CHSY1: variants seen among roughly 807,000 people sequenced by gnomAD.
The protein encoded by CHSY1 is chondroitin sulfate synthase 1.
CHSY1 carries 13 observed loss-of-function variants against 59.8 expected under a neutral mutation model. That is an observed-to-expected ratio of 0.22 (90% CI 0.14 to 0.35). CHSY1 has a LOEUF of 0.35. Ranked by LOEUF, CHSY1 falls within the 10% of genes least tolerant of loss-of-function variation. The pLI is 1.00. For missense variants in CHSY1, 947 were observed against 1,030.6 expected (o/e 0.92, Z 1.11); for synonymous variants, 459 against 401.2 (o/e 1.14, Z -1.72).
chr15:101,236,625 T>A (rs2038946086), intron 1 of CHSY1, among the ~76,000 whole-genome samples: 1 of 150,598 alleles, frequency 6.6e-6, no homozygotes, highest in Admixed American at 6.6e-5. Flanking sequence ...ATTGAGACCA[T>A]CCTGTCTAAC....
At position 101,178,601 on chromosome 15, in the gene CHSY1, G is replaced by T; in HGVS notation, c.1196C>A (p.Ser399Tyr). The change falls in exon 3 of 3, where the codon TCC (serine) becomes TAC (tyrosine). Residue 399 changes from serine (S) to tyrosine (Y), a missense_variant. Physicochemically the swap from Ser to Tyr is moderately radical, Grantham distance 144. This residue lies in a region of CHSY1 where 602 missense variants were observed against 676.9 expected (regional missense o/e 0.89). Coordinates refer to ENST00000254190, the MANE Select transcript of CHSY1 (RefSeq NM_014918.5). ...GTCGTCCAAGGCTTCCCTCTGGGCGGAGTCCATTCCTCTTCGAGGGGGCTG... is the reference window on the plus strand; with the variant it reads ...GTCGTCCAAGGCTTCCCTCTGGGCGTAGTCCATTCCTCTTCGAGGGGGCTG... ...DGQPPRRGMD[S>Y]AQREALDDIV... 1 of 1,614,170 alleles carries T rather than the reference G, an allele frequency of 6.2e-7. No individual in the cohort carries two copies. The highest frequency in any genetic ancestry group is 8.5e-7 in the Non-Finnish European group (1 of 1,180,030).
intron 2 of CHSY1, among the ~76,000 whole-genome samples, chr15:101,184,180 C>G (rs1359624951): frequency 6.6e-6 from 1 of 152,176 alleles, no homozygotes; most frequent in Non-Finnish European, 1.5e-5. Flanking sequence ...ATCCATTTCA[C>G]AAAGTGTTTT....
intron 2 of CHSY1, among the ~76,000 whole-genome samples, chr15:101,216,965 A>G (rs1444495038): frequency 1.3e-5 from 2 of 152,254 alleles, no homozygotes; most frequent in African/African-American, 4.8e-5. Flanking sequence ...ACTGCATTAC[A>G]AATGTATGAG....
At chr15:101,203,118 T>C (rs1490463309) in intron 2 of CHSY1, among the ~76,000 whole-genome samples, 6 of 152,198 alleles carry the variant, frequency 3.9e-5, no homozygotes, top group African/African-American at 9.7e-5. Context: ...TAACAACTGA[T>C]TGCACCTAAA....
chr15:101,249,045 C>T (rs1028554045), intron 1 of CHSY1, among the ~76,000 whole-genome samples: 9 of 151,220 alleles, frequency 6.0e-5, no homozygotes, highest in East Asian at 3.9e-4. Context: ...CCTCATGATC[C>T]GCCCGCCTCG....
chr15:101,224,648 C>CT (rs2074321065), intron 2 of CHSY1, among the ~76,000 whole-genome samples: 2 of 152,184 alleles, frequency 1.3e-5, no homozygotes, highest in South Asian at 4.1e-4. Flanking sequence ...CTCTTGCAGA[C>CT]GGTCTGCCTC....
At chr15:101,223,759 C>T (rs2038812959) in intron 2 of CHSY1, among the ~76,000 whole-genome samples, 1 of 93,604 alleles carries the variant, frequency 1.1e-5, no homozygotes, top group Non-Finnish European at 2.0e-5. Context: ...TCGTCTACTA[C>T]AAAGGACTTC....
Position 101,178,964 on chromosome 15 carries a change from T to A in CHSY1, c.833A>T (p.Tyr278Phe). ...CTTTTTGTTCTGCTCGTAATTCTCA[T>A]AAAAAAGCTGCTGCATCTGTTACAG... is the stretch of plus-strand genomic sequence containing the variant. ...VWSYEMQQLF[Y>F]ENYEQNKKGY... is the part of the protein sequence containing the mutation. Residue 278 changes from tyrosine (Y) to phenylalanine (F), a missense_variant, in exon 3 of 3, where the codon TAT becomes TTT. Physicochemically the swap from Tyr to Phe is conservative, Grantham distance 22 (BLOSUM62 3). Around this residue, in one of 4 missense-constraint regions of CHSY1, gnomAD observed 602 missense variants for 676.9 expected, o/e 0.89. Coordinates refer to ENST00000254190, the MANE Select transcript of CHSY1 (RefSeq NM_014918.5). The A allele has an allele frequency of 6.2e-7, 1 of 1,614,024 alleles. No individual in the cohort carries two copies.
In CHSY1 at chr15:101,236,982, G is replaced by A. The variant is rs527714613; in HGVS notation, c.321-1405C>T. Among the ~76,000 whole-genome samples, 720 of 151,978 alleles carry A rather than the reference G, an allele frequency of 4.7e-3. 5 individuals are homozygous for A. The highest frequency in any genetic ancestry group is 7.9e-3 in the Non-Finnish European group (534 of 67,964). ...TGCCTGTAATCCCAGCACTTTAGGA[G>A]GCCGAGGCAGGCAGATCACAAGGTC... On this transcript the variant is annotated intron_variant, in intron 1 of 2. Coordinates refer to ENST00000254190, the MANE Select transcript of CHSY1 (RefSeq NM_014918.5).
At position 101,251,559 on chromosome 15, in the gene CHSY1, C is replaced by A; in HGVS notation, c.-103G>T. The A allele has an allele frequency of 6.0e-6, 1 of 165,910 alleles. No homozygotes were observed. The highest frequency in any genetic ancestry group is 1.9e-4 in the South Asian group (1 of 5,270). The allele number at this position is 165,910 out of a possible 1,614,324, so 10.3% of individuals were successfully genotyped here. A position where few individuals can be genotyped will look rare whatever the true frequency, so the allele number is the denominator to read the frequency against. ...CAGCCCGCCCTAGCGCCGCGAGGCC[C>A]GGCCCGGGCAGCGCCGCCGCCGCCG... is the stretch of plus-strand genomic sequence containing the variant. On this transcript the variant is annotated 5_prime_UTR_variant, in exon 1 of 3. Transcript: ENST00000254190.
At chr15:101,206,272 AAGGGAAAACCCACC>A (rs1279093356) in intron 2 of CHSY1, among the ~76,000 whole-genome samples, 1 of 152,222 alleles carries the variant, frequency 6.6e-6, no homozygotes, top group Non-Finnish European at 1.5e-5. Context: ...CTAGACAGAC[AAGGGAAAACCCACC>A]AGGTCTCGAG....
chr15:101,182,525 T>G (rs1324488561), intron 2 of CHSY1, among the ~76,000 whole-genome samples: 1 of 152,220 alleles, frequency 6.6e-6, no homozygotes, highest in Non-Finnish European at 1.5e-5. Flanking sequence ...TACATAACTC[T>G]GAAGTTTAGT....
At chr15:101,248,155 T>C (rs2141283605) in intron 1 of CHSY1, among the ~76,000 whole-genome samples, 1 of 152,350 alleles carries the variant, frequency 6.6e-6, no homozygotes, top group South Asian at 2.1e-4. Context: ...AGTTCTACCT[T>C]GTGCTAGAAG....
chr15:101,208,193 C>T (rs941508235), intron 2 of CHSY1, among the ~76,000 whole-genome samples: 3 of 152,186 alleles, frequency 2.0e-5, no homozygotes, highest in Non-Finnish European at 4.4e-5. Flanking sequence ...CACACATGCA[C>T]ATTTTCCCCT....
At chr15:101,198,688 A>T (rs1421149399) in intron 2 of CHSY1, among the ~76,000 whole-genome samples, 1 of 152,150 alleles carries the variant, frequency 6.6e-6, no homozygotes, top group East Asian at 1.9e-4. Flanking sequence ...CCAGGCCCAA[A>T]ACAGAAACAC....
chr15:101,183,169 G>C (rs1240127352), intron 2 of CHSY1, among the ~76,000 whole-genome samples: 1 of 152,060 alleles, frequency 6.6e-6, no homozygotes, highest in Non-Finnish European at 1.5e-5. Context: ...GACAACAGGA[G>C]AGAAAAGTAT....
chr15:101,235,645 T>C (rs2038934016), intron 1 of CHSY1, 68 bp from the exon 2 acceptor site: 2 of 1,520,174 alleles, frequency 1.3e-6, no homozygotes, highest in African/African-American at 1.4e-5. Flanking sequence ...ATTCACGTTA[T>C]CTGCTCATCT....
At chr15:101,188,235 A>T in intron 2 of CHSY1, 1 of 972,622 alleles carries the variant, frequency 1.0e-6, no homozygotes, top group Non-Finnish European at 1.2e-6. Context: ...AAGTGGTTCA[A>T]AGAAAGTAAG....
intron 2 of CHSY1, among the ~76,000 whole-genome samples, chr15:101,203,894 G>T (rs113082680): frequency 0.056 from 8,550 of 152,218 alleles, 318 homozygotes; most frequent in Non-Finnish European, 0.083. Flanking sequence ...AATGCTGCAT[G>T]TGACCCTAGA....
Sources: allele counts gnomAD v4.1 joint callset (sites outside exome capture counted in the v4.1 genomes callset), GRCh38; gene constraint gnomAD v4.1.1; regional missense constraint gnomAD v4.1.1; transcripts MANE v1.5; gene names NCBI Gene and HGNC (gene_info 2026-07-23, HGNC 2026-07-21).